The following GMDS variants were observed in gnomAD, a reference collection of about 807,000 sequenced individuals.
The protein encoded by GMDS is GDP-mannose 4,6 dehydratase.
Under a neutral mutation model 49.9 loss-of-function variants are expected in GMDS, and 20 were observed. The observed-to-expected ratio is 0.40, with a 90% CI of 0.28 to 0.58. The LOEUF is 0.58. Among genes scored for constraint, GMDS ranks in the 20% least tolerant of loss-of-function variants. GMDS has a pLI of 0.42. For missense variants in GMDS, 362 were observed against 481.4 expected (o/e 0.75, Z 2.32); for synonymous variants, 177 against 178.6 (o/e 0.99, Z 0.07).
rs3839598 is a variant in GMDS at position 1,833,505 on chromosome 6, CTT to C, written c.772-90921_772-90920del. Among the ~76,000 whole-genome samples, 1 of 146,594 alleles carries C rather than the reference CTT, an allele frequency of 6.8e-6. No homozygotes were observed. The highest frequency in any genetic ancestry group is 1.5e-5 in the Non-Finnish European group (1 of 66,034). On this transcript the variant is annotated intron_variant, in intron 7 of 10. Transcript: ENST00000380815. This position sits in a 1 kb window ranked among gnomAD's most constrained non-coding sequence, Gnocchi z 4.4. The stretch of plus-strand genomic sequence containing the variant: ...CTGAATGCAGCACACATTTTTAAAA[CTT>C]TTTTTTTTTGCCTTTTCTTCCTTTC...
In GMDS at chr6:1,913,195, A is replaced by C. The variant is rs1055114930; in HGVS notation, c.771+16908T>G. Among the ~76,000 whole-genome samples, 23 of 151,616 alleles carry C rather than the reference A, an allele frequency of 1.5e-4. No individual in the cohort carries two copies. The East Asian group carries it at 3.1e-3, about 21-fold the overall frequency. On this transcript the variant is annotated intron_variant, in intron 7 of 10. Transcript: ENST00000380815. ...AGGAGATCGAGACCATCCCGGCTAA[A>C]ACGGTGAAACCCCGTCTCTACTAAA... is the stretch of plus-strand genomic sequence containing the variant.
At chr6:1,645,601 G>A (rs1763462109) in intron 9 of GMDS, among the ~76,000 whole-genome samples, 1 of 152,188 alleles carries the variant, frequency 6.6e-6, no homozygotes, top group African/African-American at 2.4e-5. Context: ...CTTGGCTTTA[G>A]TGTCTCTGCT....
At chr6:1,779,710 A>T (rs1768999617) in intron 7 of GMDS, among the ~76,000 whole-genome samples, 1 of 152,142 alleles carries the variant, frequency 6.6e-6, no homozygotes, top group African/African-American at 2.4e-5. Flanking sequence ...ATGGATGCGA[A>T]CCTGTCCCTC....
intron 4 of GMDS, among the ~76,000 whole-genome samples, chr6:2,065,365 C>T (rs959298176): frequency 6.6e-6 from 1 of 152,206 alleles, no homozygotes; most frequent in Non-Finnish European, 1.5e-5. Flanking sequence ...AAGCAGAGCG[C>T]CTCTCCTCCT....
At chr6:1,709,552 G>A (rs1255994011) in intron 9 of GMDS, among the ~76,000 whole-genome samples, 6 of 152,242 alleles carry the variant, frequency 3.9e-5, no homozygotes, top group African/African-American at 4.8e-5. Context: ...CAGAGGTGAC[G>A]TGTTGCCTGG....
intron 1 of GMDS, among the ~76,000 whole-genome samples, chr6:2,210,535 C>G (rs992297217): frequency 3.9e-5 from 6 of 152,034 alleles, no homozygotes; most frequent in Non-Finnish European, 8.8e-5. Context: ...CATTTCAGAC[C>G]AATGAGACAG....
chr6:2,025,056 T>C (rs1447700697), intron 4 of GMDS, among the ~76,000 whole-genome samples: 1 of 151,936 alleles, frequency 6.6e-6, no homozygotes, highest in African/African-American at 2.4e-5. Flanking sequence ...GAGAAACAGA[T>C]AAAACTATAA....
chr6:1,856,305 A>T (rs1757936783), intron 7 of GMDS, among the ~76,000 whole-genome samples: 1 of 152,256 alleles, frequency 6.6e-6, no homozygotes, highest in Non-Finnish European at 1.5e-5. Flanking sequence ...ACAACGTCAC[A>T]GAAATGTGCT....
chr6:2,206,281 T>A (rs1168373106), intron 1 of GMDS, among the ~76,000 whole-genome samples: 1 of 151,274 alleles, frequency 6.6e-6, no homozygotes, highest in Non-Finnish European at 1.5e-5. Flanking sequence ...AGCCCGGACA[T>A]CCAACTCTGA....
chr6:2,149,382 C>T (rs1776733484), intron 1 of GMDS, among the ~76,000 whole-genome samples: 1 of 152,226 alleles, frequency 6.6e-6, no homozygotes, highest in South Asian at 2.1e-4. Context: ...TGTGTGTTTC[C>T]TTCTGTCTGG....
intron 7 of GMDS, among the ~76,000 whole-genome samples, chr6:1,901,958 C>T (rs144199554): frequency 2.0e-3 from 301 of 152,246 alleles, no homozygotes; most frequent in African/African-American, 6.7e-3. Flanking sequence ...ATGACTTCTG[C>T]GCAATGGTAA....
intron 2 of GMDS, among the ~76,000 whole-genome samples, chr6:2,121,141 A>G (rs1478622830): frequency 6.6e-6 from 1 of 152,346 alleles, no homozygotes; most frequent in East Asian, 1.9e-4. Flanking sequence ...AGTGAGACAC[A>G]GGTGTCCAGT....
chr6:1,815,651 G>T (rs1217015711), intron 7 of GMDS, among the ~76,000 whole-genome samples: 2 of 152,148 alleles, frequency 1.3e-5, no homozygotes, highest in Non-Finnish European at 2.9e-5. Context: ...AATCTATAAG[G>T]TTGTTCAAGT....
intron 9 of GMDS, among the ~76,000 whole-genome samples, chr6:1,626,780 G>A (rs1762859353): frequency 6.6e-6 from 1 of 152,298 alleles, no homozygotes; most frequent in Non-Finnish European, 1.5e-5. Flanking sequence ...GCTTTGTATT[G>A]TAATTATGTT....
intron 1 of GMDS, among the ~76,000 whole-genome samples, chr6:2,140,503 C>G (rs1776231178): frequency 6.6e-6 from 1 of 152,220 alleles, no homozygotes; most frequent in Non-Finnish European, 1.5e-5. Context: ...CTTAGAACCT[C>G]TCAAAACCTG....
chr6:2,190,866 C>T (rs1355685340), intron 1 of GMDS, among the ~76,000 whole-genome samples: 1 of 152,124 alleles, frequency 6.6e-6, no homozygotes, highest in Non-Finnish European at 1.5e-5. Context: ...GTCCCCTGTG[C>T]CCCGTGTCCC....
intron 7 of GMDS, among the ~76,000 whole-genome samples, chr6:1,817,254 T>C (rs1287485744): frequency 2.0e-5 from 3 of 152,072 alleles, no homozygotes; most frequent in East Asian, 1.9e-4. Context: ...TCGTCATAAG[T>C]GTGTAATGTC....
At chr6:2,178,107 T>C (rs2127559772) in intron 1 of GMDS, among the ~76,000 whole-genome samples, 1 of 152,206 alleles carries the variant, frequency 6.6e-6, no homozygotes. Flanking sequence ...GACCTAAAGA[T>C]GGGAACAATA....
chr6:1,805,724 C>T (rs993846911), intron 7 of GMDS, among the ~76,000 whole-genome samples: 1 of 152,010 alleles, frequency 6.6e-6, no homozygotes, highest in Non-Finnish European at 1.5e-5. Flanking sequence ...AAATATTTAT[C>T]ACGTTATTTT....
Sources: gnomAD v4.1 joint callset for allele counts (sites outside exome capture counted in the v4.1 genomes callset) on GRCh38, gnomAD v4.1.1 for gene constraint, Gnocchi (gnomAD v3.1) non-coding constraint, MANE v1.5 for transcripts, NCBI Gene and HGNC (gene_info 2026-07-23, HGNC 2026-07-21) for gene names.